Variants in SUSD1 observed in about 807,000 individuals in gnomAD.
SUSD1 encodes the protein sushi domain containing 1.
SUSD1 carries 65 observed loss-of-function variants against 86.9 expected under a neutral mutation model. That is an observed-to-expected ratio of 0.75 (90% CI 0.61 to 0.92). SUSD1 has a LOEUF of 0.92. Ranked by LOEUF, SUSD1 falls within the 40% of genes least tolerant of loss-of-function variation. SUSD1 has a pLI of 0.00. For synonymous variants in SUSD1, 346 were observed against 350.0 expected (o/e 0.99, Z 0.13); for missense variants, 850 against 929.7 (o/e 0.91, Z 1.11).
intron 15 of SUSD1, among the ~76,000 whole-genome samples, chr9:112,046,108 G>T (rs574706598): frequency 3.3e-5 from 5 of 152,298 alleles, no homozygotes; most frequent in Non-Finnish European, 7.4e-5. Flanking sequence ...TCAGTTCCTG[G>T]TTATATGTCT....
intron 12 of SUSD1, among the ~76,000 whole-genome samples, chr9:112,071,459 C>CA (rs145334765): frequency 0.13 from 19,178 of 150,366 alleles, 1,281 homozygotes; most frequent in East Asian, 0.23. Context: ...AACTCAGTCT[C>CA]AAAAAAAATT....
intron 10 of SUSD1, among the ~76,000 whole-genome samples, chr9:112,098,107 C>T (rs1325893112): frequency 6.6e-6 from 1 of 152,118 alleles, no homozygotes; most frequent in Non-Finnish European, 1.5e-5. Context: ...GTGGGACCCA[C>T]GTTTCTGGTC....
intron 1 of SUSD1, among the ~76,000 whole-genome samples, chr9:112,170,607 C>T (rs2131864707): frequency 6.6e-6 from 1 of 151,958 alleles, no homozygotes; most frequent in East Asian, 1.9e-4. Context: ...AGCTCTCCTC[C>T]CCAAAACATC....
At chr9:112,148,982 C>T (rs575118595) in intron 3 of SUSD1, among the ~76,000 whole-genome samples, 13 of 151,802 alleles carry the variant, frequency 8.6e-5, no homozygotes, top group South Asian at 8.4e-4. Context: ...AGACCCACAT[C>T]CCCCCAAGAT....
chr9:112,173,252 G>T (rs950510988), intron 1 of SUSD1, among the ~76,000 whole-genome samples: 1 of 152,066 alleles, frequency 6.6e-6, no homozygotes, highest in African/African-American at 2.4e-5. Flanking sequence ...TACCCATCAG[G>T]CATGGTAAAA....
intron 2 of SUSD1, among the ~76,000 whole-genome samples, chr9:112,149,715 C>T (rs1426877491): frequency 6.6e-6 from 1 of 152,146 alleles, no homozygotes; most frequent in Non-Finnish European, 1.5e-5. Flanking sequence ...TTTTCAGAGG[C>T]CCACGGAAAC....
At chr9:112,105,525 C>T (rs1830801503) in intron 8 of SUSD1, among the ~76,000 whole-genome samples, 1 of 152,134 alleles carries the variant, frequency 6.6e-6, no homozygotes, top group Admixed American at 6.5e-5. Flanking sequence ...TTGAGATCAG[C>T]CTGGCCAACA....
chr9:112,067,117 A>T (rs1829016921), intron 12 of SUSD1, among the ~76,000 whole-genome samples: 1 of 152,168 alleles, frequency 6.6e-6, no homozygotes. Flanking sequence ...ACCTCAGGTG[A>T]TCCGCCCACC....
At chr9:112,054,497 G>A (rs562708200) in intron 14 of SUSD1, among the ~76,000 whole-genome samples, 18 of 152,126 alleles carry the variant, frequency 1.2e-4, no homozygotes, top group Admixed American at 2.6e-4. Flanking sequence ...TGAGGCAGGA[G>A]GATCACCTGA....
At chr9:112,130,176 C>CAGCCTGGCAAACATGCTGAA (rs1416900074) in intron 5 of SUSD1, among the ~76,000 whole-genome samples, 2 of 152,048 alleles carry the variant, frequency 1.3e-5, no homozygotes, top group African/African-American at 4.8e-5. Flanking sequence ...AGTTCAAGAC[C>CAGCCTGGCAAACATGCTGAA]AGCCTGGCAA....
In SUSD1 at chr9:112,175,058, T is replaced by G. The variant is rs992783375; in HGVS notation, c.103+75A>C. ...GGCCCGGCCCAGGGGCGGGGAAGCG[T>G]CCGTGCGCCCAGAGTCCTCGAGGCC... On this transcript the variant is annotated intron_variant, in intron 1 of 16. Coordinates refer to ENST00000374270, the MANE Select transcript of SUSD1 (RefSeq NM_022486.5). The surrounding 1 kb of genome is among the most constrained non-coding windows in gnomAD (Gnocchi z 4.7). 1.5e-4 allele frequency: 146 copies of G among 980,406 alleles called. No homozygotes were observed. The Middle Eastern group carries it at 3.6e-3, about 24-fold the overall frequency. 60.7% of individuals were successfully genotyped at this position (980,406 alleles called of 1,614,324 possible).
Position 112,151,601 on chromosome 9 carries a change from A to T in SUSD1, c.218-2202T>A, listed in dbSNP as rs1183063884. 2.0e-5 allele frequency among the ~76,000 whole-genome samples: 3 copies of T among 149,796 alleles called. No homozygotes were observed. The East Asian group carries it at 6.0e-4, about 30-fold the overall frequency. On this transcript the variant is annotated intron_variant, in intron 2 of 16. Coordinates refer to ENST00000374270, the MANE Select transcript of SUSD1 (RefSeq NM_022486.5). ...ACAAGAGTGAAATTCCATCTCAAAAAAAAAAAAGTATCTTTCTTGGCCGGG... is the reference window on the plus strand; with the variant it reads ...ACAAGAGTGAAATTCCATCTCAAAATAAAAAAAGTATCTTTCTTGGCCGGG...
chr9:112,151,557 A>T (rs990871208), intron 2 of SUSD1, among the ~76,000 whole-genome samples: 2 of 151,176 alleles, frequency 1.3e-5, no homozygotes, highest in Non-Finnish European at 2.9e-5. Flanking sequence ...AGATCATGCC[A>T]TTGCACTCCA....
intron 2 of SUSD1, among the ~76,000 whole-genome samples, chr9:112,153,612 CTTTT>C (rs373913503): frequency 7.7e-6 from 1 of 130,606 alleles, no homozygotes. Context: ...ACATACTATA[CTTTT>C]TTTTTTTTTT....
chr9:112,164,195 T>G (rs1482761716), intron 1 of SUSD1, among the ~76,000 whole-genome samples: 6 of 152,148 alleles, frequency 3.9e-5, no homozygotes, highest in Non-Finnish European at 5.9e-5. Context: ...TAAAAGAAAC[T>G]GAATTAAGTT....
intron 15 of SUSD1, among the ~76,000 whole-genome samples, chr9:112,051,529 T>G (rs1828211944): frequency 6.6e-6 from 1 of 151,018 alleles, no homozygotes; most frequent in Admixed American, 6.6e-5. Flanking sequence ...CCTCCCGGGT[T>G]CAAGTGATTC....
chr9:112,161,031 C>T (rs1309998758), intron 1 of SUSD1, among the ~76,000 whole-genome samples: 2 of 152,172 alleles, frequency 1.3e-5, no homozygotes, highest in Non-Finnish European at 2.9e-5. Flanking sequence ...AACACATTAA[C>T]ATTTTAGCAC....
intron 13 of SUSD1, among the ~76,000 whole-genome samples, chr9:112,060,774 C>T (rs538157176): frequency 1.3e-5 from 2 of 152,370 alleles, no homozygotes; most frequent in East Asian, 3.9e-4. Flanking sequence ...GAAGACATCC[C>T]TACATCATAG....
chr9:112,111,063 A>C (rs1831076917), intron 8 of SUSD1, among the ~76,000 whole-genome samples: 1 of 151,808 alleles, frequency 6.6e-6, no homozygotes, highest in African/African-American at 2.4e-5. Context: ...ATCTCGGTTC[A>C]CTCACTGCAA....
Sources: gnomAD v4.1 joint callset for allele counts (sites outside exome capture counted in the v4.1 genomes callset) on GRCh38, gnomAD v4.1.1 for gene constraint, Gnocchi (gnomAD v3.1) non-coding constraint, MANE v1.5 for transcripts, NCBI Gene and HGNC (gene_info 2026-07-23, HGNC 2026-07-21) for gene names.